Variants in RBFOX2 observed in about 807,000 individuals in gnomAD.
The protein encoded by RBFOX2 is RNA binding protein fox-1 homolog 2.
A neutral mutation model predicts 49.1 loss-of-function variants in RBFOX2; 10 were observed. That is an observed-to-expected ratio of 0.20 (90% confidence interval 0.13 to 0.35). RBFOX2 has a LOEUF of 0.35. RBFOX2 is among the 10% of genes least tolerant of loss of function. The pLI is 1.00. For missense variants in RBFOX2, 323 were observed against 486.9 expected, an observed-to-expected ratio of 0.66 and a Z score of 3.17; for synonymous variants, 183 against 187.4, an observed-to-expected ratio of 0.98 and a Z score of 0.19.
intron 1 of RBFOX2, among the ~76,000 whole-genome samples, chr22:35,861,784 C>T (rs958783925): frequency 2.6e-5 from 4 of 151,900 alleles, no homozygotes; most frequent in African/African-American, 9.7e-5. Context: ...TAACTATTTA[C>T]CCAAGAGAAA....
At chr22:36,026,570 ACAC>A (rs1232837661) in intron 1 of RBFOX2, among the ~76,000 whole-genome samples, 6 of 151,896 alleles carry the variant, frequency 4.0e-5, no homozygotes, top group East Asian at 1.9e-4. Context: ...ACACACACAC[ACAC>A]CAAGTAGAAC....
At chr22:35,756,238 A>G in intron 9 of RBFOX2, 94 bp from the exon 11 acceptor site, 1 of 1,165,818 alleles carries the variant, frequency 8.6e-7, no homozygotes, top group Non-Finnish European at 1.2e-6. Context: ...CATGCGCTCT[A>G]CACAGGCAGG....
At chr22:35,897,647 C>G (rs1182239107) in intron 1 of RBFOX2, 8 of 1,400,952 alleles carry the variant, frequency 5.7e-6, no homozygotes, top group Non-Finnish European at 8.1e-6. Context: ...GGATCCTTAA[C>G]TGCATTAACA....
chr22:35,749,504 C>T lies in RBFOX2; in HGVS notation c.888-2943G>A, dbSNP rs1463720053. ...ATCATGGATGTATTCCTCTCTCTCT[C>T]TCTTACACACACACACGCACACACA... On this transcript the variant is annotated intron_variant, in intron 9 of 11. Coordinates refer to ENST00000405409, the Ensembl canonical transcript of RBFOX2. The surrounding 1 kb of genome is among the most constrained non-coding windows in gnomAD (Gnocchi z 4.1). Among the ~76,000 whole-genome samples, 3 of 152,086 alleles carry T rather than the reference C, an allele frequency of 2.0e-5. No homozygotes were observed. Among genetic ancestry groups the T allele is most frequent in the African/African-American group, 7.2e-5 (3 of 41,416 alleles).
At chr22:35,980,143 A>T (rs917611878) in intron 1 of RBFOX2, among the ~76,000 whole-genome samples, 11 of 151,976 alleles carry the variant, frequency 7.2e-5, no homozygotes, top group African/African-American at 2.4e-4. Flanking sequence ...TGAGATGTAT[A>T]AAAAAAATAG....
intron 1 of RBFOX2, among the ~76,000 whole-genome samples, chr22:35,960,880 C>T (rs994546435): frequency 5.9e-5 from 9 of 151,892 alleles, no homozygotes; most frequent in Admixed American, 1.3e-4. Flanking sequence ...TCAGGTTTTG[C>T]GCAATGGTTG....
At chr22:36,023,848 A>AC (rs1411018510) in intron 1 of RBFOX2, among the ~76,000 whole-genome samples, 2 of 152,020 alleles carry the variant, frequency 1.3e-5, no homozygotes, top group Non-Finnish European at 2.9e-5. Flanking sequence ...GAAAGCACCG[A>AC]CCCTTCCTCT....
At chr22:35,829,006 G>A (rs968252845) in intron 1 of RBFOX2, among the ~76,000 whole-genome samples, 4 of 152,042 alleles carry the variant, frequency 2.6e-5, no homozygotes, top group Admixed American at 1.3e-4. Context: ...AGCCGAGATC[G>A]CGCCACTGCA....
At chr22:35,761,345 C>T (rs1308992019) in intron 7 of RBFOX2, 51 bp from the exon 9 acceptor site, 4 of 1,612,384 alleles carry the variant, frequency 2.5e-6, no homozygotes, top group Non-Finnish European at 3.4e-6. Context: ...AAAAAGGAGT[C>T]ACAAATTGAA....
intron 9 of RBFOX2, among the ~76,000 whole-genome samples, chr22:35,750,247 ATTTC>A (rs1010474460): frequency 5.9e-5 from 9 of 152,326 alleles, no homozygotes; most frequent in Non-Finnish European, 1.0e-4. Context: ...AGATGTTAAC[ATTTC>A]TTCAGCTGAC....
At chr22:35,822,697 C>G in intron 1 of RBFOX2, 1 of 375,008 alleles carries the variant, frequency 2.7e-6, no homozygotes, top group Non-Finnish European at 5.1e-6. Flanking sequence ...CTCTCCATCC[C>G]CCTAAATATG....
chr22:35,786,159 A>G (rs756047355), intron 2 of RBFOX2, among the ~76,000 whole-genome samples: 1 of 152,234 alleles, frequency 6.6e-6, no homozygotes, highest in Non-Finnish European at 1.5e-5. Flanking sequence ...GGCAGGATAA[A>G]TGAAAACTAA....
intron 1 of RBFOX2, among the ~76,000 whole-genome samples, chr22:35,881,680 G>A (rs2045923251): frequency 6.6e-6 from 1 of 151,774 alleles, no homozygotes; most frequent in African/African-American, 2.4e-5. Flanking sequence ...AAAACTTAGG[G>A]CCGGGCACAG....
chr22:35,876,373 T>C (rs1361791526), intron 1 of RBFOX2, among the ~76,000 whole-genome samples: 2 of 152,038 alleles, frequency 1.3e-5, no homozygotes, highest in Admixed American at 6.6e-5. Flanking sequence ...TTACATTAAG[T>C]AGCATTTTAG....
intron 1 of RBFOX2, among the ~76,000 whole-genome samples, chr22:35,990,504 G>A (rs2057930131): frequency 6.6e-6 from 1 of 152,128 alleles, no homozygotes. Context: ...TGAGAGAACT[G>A]AAGAGTCTTA....
chr22:35,985,134 C>A (rs1445585815), intron 1 of RBFOX2, among the ~76,000 whole-genome samples: 3 of 152,162 alleles, frequency 2.0e-5, no homozygotes, highest in Admixed American at 6.6e-5. Flanking sequence ...AGAAAGGAGA[C>A]TTTATCACAT....
chr22:35,838,427 G>C (rs1034066214), intron 1 of RBFOX2, among the ~76,000 whole-genome samples: 1 of 152,034 alleles, frequency 6.6e-6, no homozygotes, highest in Non-Finnish European at 1.5e-5. Flanking sequence ...GGGTCTCAGA[G>C]GTGATCGGCG....
chr22:35,792,553 C>T (rs542566706), intron 2 of RBFOX2, among the ~76,000 whole-genome samples: 1 of 152,122 alleles, frequency 6.6e-6, no homozygotes, highest in South Asian at 2.1e-4. Flanking sequence ...ATGGAAACAT[C>T]ATAGCCTACT....
rs796690538 is a variant in RBFOX2, at chr22:35,967,889, TA to T, written c.187-28993del. 5.9e-5 allele frequency among the ~76,000 whole-genome samples: 9 copies of T among 152,154 alleles called. 1 individual carries two copies. Among genetic ancestry groups the T allele is most frequent in the African/African-American group, 2.2e-4 (9 of 41,484 alleles). On this transcript the variant is annotated intron_variant, in intron 1 of 13. Coordinates refer to the RBFOX2 transcript ENST00000438146. The stretch of plus-strand genomic sequence containing the variant: ...TCCAGCATCTTCCAGTCCAACTACT[TA>T]AAAGAAACAGCAGAATCCAGAAATA...
Sources: gnomAD v4.1 joint callset for allele counts (sites outside exome capture counted in the v4.1 genomes callset) on GRCh38, gnomAD v4.1.1 for gene constraint, Gnocchi (gnomAD v3.1) non-coding constraint, MANE v1.5 for transcripts, NCBI Gene and HGNC (gene_info 2026-07-23, HGNC 2026-07-21) for gene names.